NUP88: variants seen among roughly 807,000 people sequenced by gnomAD.
The protein encoded by NUP88 is nuclear pore complex protein Nup88.
Under a neutral mutation model 93.9 loss-of-function variants are expected in NUP88, and 57 were observed. The observed-to-expected ratio is 0.61, with a 90% CI of 0.49 to 0.76. NUP88 has a LOEUF of 0.76. Among genes scored for constraint, NUP88 ranks in the 30% least tolerant of loss-of-function variants. The pLI, the probability that NUP88 is intolerant of heterozygous loss-of-function variation, is 0.00. For synonymous variants in NUP88, 346 were observed against 336.8 expected (o/e 1.03, Z -0.30); for missense variants, 911 against 901.0 (o/e 1.01, Z -0.14).
rs372178198 is a variant in NUP88 at position 5,415,035 on chromosome 17, T to C, written c.468-901A>G. ...TATTTAAATTTTATTTGTTTATTTA[T>C]TTGAGATGAAGTCTCACTCTGTGGC... On this transcript the variant is annotated intron_variant, in intron 2 of 16. Coordinates refer to ENST00000573584, the MANE Select transcript of NUP88 (RefSeq NM_002532.6). Among the ~76,000 whole-genome samples the C allele has an allele frequency of 9.6e-4, 146 of 151,718 alleles. 1 individual carries two copies. The highest frequency in any genetic ancestry group is 3.4e-3 in the African/African-American group (141 of 41,358).
intron 13 of NUP88, 36 bp downstream of exon 13, chr17:5,387,569 C>T (rs373185900): frequency 8.8e-6 from 14 of 1,599,736 alleles, no homozygotes; most frequent in African/African-American, 1.3e-5. Flanking sequence ...TCCAGTCTTA[C>T]TGACCTATTG....
In NUP88 at chr17:5,394,955, C is replaced by T. The variant is rs1223816108; in HGVS notation, c.1318G>A (p.Glu440Lys). 69 of 1,611,622 alleles carry T rather than the reference C, an allele frequency of 4.3e-5. No homozygotes were observed. The highest frequency in any genetic ancestry group is 5.7e-5 in the Non-Finnish European group (67 of 1,177,856). The change falls in exon 9 of 17, where the codon GAA (glutamate) becomes AAA (lysine). Residue 440 changes from glutamate (E) to lysine (K), a missense_variant. Coordinates refer to ENST00000573584, the MANE Select transcript of NUP88 (RefSeq NM_002532.6). ...SDEEDKDSLQ[E>K]LSTEQKCFVE... ...AAGCATTTCTGTTCTGTAGAGAGTT[C>T]CTGTAAACTATCCTTATCTTCTTCA...
At chr17:5,398,765 T>C (rs972357334) in intron 8 of NUP88, among the ~76,000 whole-genome samples, 2 of 151,264 alleles carry the variant, frequency 1.3e-5, no homozygotes, top group African/African-American at 4.9e-5. Flanking sequence ...ATTTTTGTAT[T>C]TTAAGTAGAG....
chr17:5,391,680 T>C lies in NUP88; in HGVS notation c.1383-18A>G, dbSNP rs532809527. 16 of 1,598,424 alleles carry C rather than the reference T, an allele frequency of 1.0e-5. No homozygotes were observed. In the African/African-American group the frequency reaches 1.7e-4, roughly 17 times the overall value. ...CTGGCTGCCTGGAAAAACACAGTCA[T>C]AGTTAAATTACAAAGCAGCAAATGC... On this transcript the variant is annotated intron_variant, in intron 9 of 16. Coordinates refer to ENST00000573584, the MANE Select transcript of NUP88 (RefSeq NM_002532.6).
chr17:5,410,111 T>G (rs1913744032), intron 4 of NUP88, among the ~76,000 whole-genome samples: 1 of 152,162 alleles, frequency 6.6e-6, no homozygotes, highest in Admixed American at 6.5e-5. Context: ...TGATTAAACT[T>G]AGATTAAAGT....
chr17:5,393,833 G>A (rs775676615), intron 9 of NUP88, among the ~76,000 whole-genome samples: 2 of 152,102 alleles, frequency 1.3e-5, no homozygotes, highest in Non-Finnish European at 2.9e-5. Flanking sequence ...CCTAGATTAT[G>A]TCTATTTCTT....
At chr17:5,387,993 T>G in intron 11 of NUP88, 89 bp from the exon 12 acceptor site, 1 of 1,284,570 alleles carries the variant, frequency 7.8e-7, no homozygotes, top group African/African-American at 1.5e-5. Context: ...CTTTTTAAAC[T>G]TTTTATATTT....
rs1257795642 is a variant in NUP88, at chr17:5,385,419, T to G, written c.*787A>C. ...ATTTACCTCTTACCTGTAACCTACC[T>G]TATCATGTGGCTTTTAATTGACAGT... On this transcript the variant is annotated 3_prime_UTR_variant, in exon 17 of 17. Transcript: ENST00000573584. The G allele has an allele frequency of 1.8e-5, 4 of 227,078 alleles. No homozygotes were observed. Among genetic ancestry groups the G allele is most frequent in the African/African-American group, 9.1e-5 (4 of 44,120 alleles). 14.1% of individuals were successfully genotyped at this position (227,078 alleles called of 1,614,324 possible).
At chr17:5,386,869 C>T in intron 15 of NUP88, 43 bp from the exon 16 acceptor site, 1 of 1,579,508 alleles carries the variant, frequency 6.3e-7, no homozygotes, top group Non-Finnish European at 8.7e-7. Flanking sequence ...TGGTTTGCCA[C>T]ACATTTTCAC....
intron 16 of NUP88, 87 bp from the exon 17 acceptor site, chr17:5,386,356 C>T (rs1806222): frequency 0.43 from 425,098 of 1,000,188 alleles, 96,799 homozygotes; most frequent in East Asian, 0.84. Flanking sequence ...AATGTTGAAA[C>T]ATCTAAGAAC....
intron 5 of NUP88, among the ~76,000 whole-genome samples, chr17:5,408,405 A>G (rs1251622738): frequency 1.3e-5 from 2 of 152,236 alleles, no homozygotes; most frequent in African/African-American, 4.8e-5. Context: ...ACTGGGACAT[A>G]AGATACCAGA....
In NUP88 at chr17:5,413,991, G is replaced by A. The variant is rs770706949; in HGVS notation, c.593+18C>T. On this transcript the variant is annotated intron_variant, in intron 3 of 16. Transcript: ENST00000573584. The stretch of plus-strand genomic sequence containing the variant: ...CTTTCCCACTCGCAAGGCTTCAAGA[G>A]AGAGAAATAAAATTTACCTGATTAC... 1.9e-6 allele frequency: 3 copies of A among 1,612,108 alleles called. No individual in the cohort carries two copies. The highest frequency in any genetic ancestry group is 1.1e-5 in the South Asian group (1 of 90,980).
chr17:5,386,196 C>G lies in NUP88; in HGVS notation c.*10G>C. On this transcript the variant is annotated 3_prime_UTR_variant, in exon 17 of 17. Coordinates refer to ENST00000573584, the MANE Select transcript of NUP88 (RefSeq NM_002532.6). ...TGTTCAGTTCAGGTGTGAGTCAGCTCCTGGTGGTGTCAGAAGTTTACATGA... is the reference window on the plus strand; with the variant it reads ...TGTTCAGTTCAGGTGTGAGTCAGCTGCTGGTGGTGTCAGAAGTTTACATGA... 7 of 1,610,462 alleles carry G rather than the reference C, an allele frequency of 4.3e-6. No homozygotes were observed. The highest frequency in any genetic ancestry group is 5.9e-6 in the Non-Finnish European group (7 of 1,177,448).
intron 7 of NUP88, among the ~76,000 whole-genome samples, chr17:5,400,237 G>A (rs531088718): frequency 3.3e-5 from 5 of 151,696 alleles, no homozygotes; most frequent in South Asian, 2.1e-4. Flanking sequence ...GGTGGCTCAC[G>A]TCTGTAATCC....
At chr17:5,394,724 G>A (rs1039425063) in intron 9 of NUP88, among the ~76,000 whole-genome samples, 167 bp downstream of exon 9, 7 of 152,212 alleles carry the variant, frequency 4.6e-5, no homozygotes, top group African/African-American at 1.7e-4. Flanking sequence ...CTGGAGAGGA[G>A]AAAGCTTCTG....
At chr17:5,414,175 C>T (rs768309330) in intron 2 of NUP88, 41 bp from the exon 3 acceptor site, 1 of 1,580,176 alleles carries the variant, frequency 6.3e-7, no homozygotes, top group South Asian at 1.1e-5. Context: ...TTTTGTACAA[C>T]TTGGATGAAA....
chr17:5,404,293 A>G, intron 6 of NUP88, 47 bp from the exon 7 acceptor site: 1 of 1,599,850 alleles, frequency 6.3e-7, no homozygotes, highest in Non-Finnish European at 8.6e-7. Flanking sequence ...TTAATTTGAA[A>G]ATGTACACAA....
intron 7 of NUP88, among the ~76,000 whole-genome samples, chr17:5,401,871 T>G (rs1471078851): frequency 6.6e-6 from 1 of 152,222 alleles, no homozygotes; most frequent in Non-Finnish European, 1.5e-5. Flanking sequence ...GGAAATTTGT[T>G]AGATACCACC....
intron 1 of NUP88, 45 bp downstream of exon 1, chr17:5,419,309 T>A (rs1297152261): frequency 7.3e-6 from 11 of 1,508,244 alleles, no homozygotes; most frequent in Non-Finnish European, 9.7e-6. Context: ...AAAAGACTGG[T>A]TCCGATCCCG....
Sources: gnomAD v4.1 joint callset for allele counts (sites outside exome capture counted in the v4.1 genomes callset) on GRCh38, gnomAD v4.1.1 for gene constraint, MANE v1.5 for transcripts, NCBI Gene and HGNC (gene_info 2026-07-23, HGNC 2026-07-21) for gene names.